Variants in CLPTM1 observed in about 807,000 individuals in gnomAD.
CLPTM1 encodes the protein putative lipid scramblase CLPTM1.
A neutral mutation model predicts 77.3 loss-of-function variants in CLPTM1; 21 were observed. That is an observed-to-expected ratio of 0.27 (90% CI 0.19 to 0.39). The LOEUF is 0.39. Ranked by LOEUF, CLPTM1 falls within the 10% of genes least tolerant of loss-of-function variation. CLPTM1 has a pLI of 1.00. For missense variants in CLPTM1, 642 were observed against 921.2 expected, an observed-to-expected ratio of 0.70 and a Z score of 3.92; for synonymous variants, 373 against 381.0, an observed-to-expected ratio of 0.98 and a Z score of 0.24.
At position 44,990,813 on chromosome 19, in the gene CLPTM1, G is replaced by A; in HGVS notation, c.1324-37G>A. 6.5e-7 allele frequency: 1 copy of A among 1,541,332 alleles called. No individual in the cohort carries two copies. The highest frequency in any genetic ancestry group is 9.0e-7 in the Non-Finnish European group (1 of 1,116,886). ...GTTCTGGCTTGTGGGGTGGGAGCCA[G>A]CGTAGCAACTGACCATGGCACCCAC... is the stretch of plus-strand genomic sequence containing the variant. On this transcript the variant is annotated intron_variant, in intron 10 of 13. Coordinates refer to ENST00000337392, the MANE Select transcript of CLPTM1 (RefSeq NM_001294.4). The surrounding 1 kb of genome is among the most constrained non-coding windows in gnomAD (Gnocchi z 4.8).
intron 2 of CLPTM1, among the ~76,000 whole-genome samples, chr19:44,968,156 C>G (rs1970663678): frequency 6.6e-6 from 1 of 152,142 alleles, no homozygotes; most frequent in Non-Finnish European, 1.5e-5. Flanking sequence ...GGCTAATTTC[C>G]TTTCTTAGAA....
chr19:44,966,389 T>C (rs1044155721), intron 2 of CLPTM1, among the ~76,000 whole-genome samples: 1 of 149,518 alleles, frequency 6.7e-6, no homozygotes, highest in Non-Finnish European at 1.5e-5. Flanking sequence ...CCAGCCTGGG[T>C]GACAGAGCGA....
intron 5 of CLPTM1, among the ~76,000 whole-genome samples, chr19:44,981,691 T>C (rs1293017111): frequency 1.3e-5 from 2 of 151,920 alleles, no homozygotes; most frequent in African/African-American, 2.4e-5. Context: ...GGCTAGAGGA[T>C]TGCTTGAGCC....
intron 1 of CLPTM1, among the ~76,000 whole-genome samples, chr19:44,959,280 G>A (rs904352625): frequency 6.6e-6 from 1 of 151,320 alleles, no homozygotes; most frequent in East Asian, 1.9e-4. Context: ...GGCTGGTCTC[G>A]AACTCCTGGG....
At chr19:44,983,617 CAAAAAAAAAAAA>C (rs35582067) in intron 5 of CLPTM1, among the ~76,000 whole-genome samples, 3 of 39,788 alleles carry the variant, frequency 7.5e-5, no homozygotes, top group Non-Finnish European at 1.2e-4. Context: ...GACTCTGTCT[CAAAAAAAAAAAA>C]AAAAAAAAAA....
intron 9 of CLPTM1, among the ~76,000 whole-genome samples, chr19:44,988,495 C>A (rs1005036161): frequency 2.0e-5 from 3 of 152,148 alleles, no homozygotes; most frequent in African/African-American, 7.2e-5. Context: ...CCACCCTGCC[C>A]GGCAGGCTGC....
At chr19:44,979,260 T>C (rs1970856155) in intron 5 of CLPTM1, among the ~76,000 whole-genome samples, 1 of 152,166 alleles carries the variant, frequency 6.6e-6, no homozygotes, top group Non-Finnish European at 1.5e-5. Context: ...ATTACAGGTG[T>C]GAGCTGCCAC....
chr19:44,965,172 T>C (rs1176579148), intron 2 of CLPTM1, among the ~76,000 whole-genome samples: 1 of 152,116 alleles, frequency 6.6e-6, no homozygotes, highest in Non-Finnish European at 1.5e-5. Flanking sequence ...TCCCTACTTA[T>C]GAGATAGAAG....
At chr19:44,965,897 G>T (rs1285078884) in intron 2 of CLPTM1, among the ~76,000 whole-genome samples, 1 of 152,260 alleles carries the variant, frequency 6.6e-6, no homozygotes, top group Non-Finnish European at 1.5e-5. Context: ...TGCACGGGAG[G>T]CTGGGAAATG....
chr19:44,980,538 G>T (rs1970879412), intron 5 of CLPTM1, among the ~76,000 whole-genome samples: 1 of 146,968 alleles, frequency 6.8e-6, no homozygotes, highest in African/African-American at 2.5e-5. Flanking sequence ...GAAAAGAAAA[G>T]CCCCTTTTAT....
chr19:44,978,600 T>C (rs1970843039), intron 5 of CLPTM1, among the ~76,000 whole-genome samples: 1 of 151,866 alleles, frequency 6.6e-6, no homozygotes, highest in African/African-American at 2.4e-5. Context: ...ACTACAGCTT[T>C]CCAGCCTGGG....
intron 3 of CLPTM1, 92 bp downstream of exon 3, chr19:44,973,302 G>A: frequency 3.8e-6 from 6 of 1,558,550 alleles, no homozygotes; most frequent in Non-Finnish European, 5.2e-6. Context: ...GGACAGACCA[G>A]GTCCTTGCTC....
At chr19:44,984,935 C>T (rs796982435) in intron 5 of CLPTM1, among the ~76,000 whole-genome samples, 1 of 152,124 alleles carries the variant, frequency 6.6e-6, no homozygotes, top group Non-Finnish European at 1.5e-5. Context: ...GGGATCTGCC[C>T]GCCCCAGCCT....
intron 4 of CLPTM1, 62 bp from the exon 5 acceptor site, chr19:44,977,281 G>C: frequency 8.3e-7 from 1 of 1,211,700 alleles, no homozygotes; most frequent in Non-Finnish European, 1.2e-6. Flanking sequence ...GCCAGGCAGG[G>C]CTTTAACGTT....
At chr19:44,986,803 A>G in intron 7 of CLPTM1, 1 of 566,388 alleles carries the variant, frequency 1.8e-6, no homozygotes, top group Non-Finnish European at 3.1e-6. Flanking sequence ...TCCGCAATCA[A>G]GTGCCATCCA....
Position 44,973,093 on chromosome 19 carries a change from C to G in CLPTM1, c.192C>G (p.Phe64Leu), listed in dbSNP as rs755981416. The change falls in exon 3 of 14, where the codon TTC becomes TTG. Residue 64 changes from phenylalanine (F) to leucine (L), a missense_variant. By Grantham distance (22) the Phe-to-Leu change is conservative. Coordinates refer to ENST00000337392, the MANE Select transcript of CLPTM1 (RefSeq NM_001294.4). ...TTGCTGCTTCTCTCCTCAGGATCTT[C>G]ATCATCTGGGCCATCAGCAGTTGGT... ...QVIKGVLFRI[F>L]IIWAISSWFR... 23 of 1,613,676 alleles carry G rather than the reference C, an allele frequency of 1.4e-5. No homozygotes were observed. In the East Asian group the frequency reaches 5.1e-4, roughly 36 times the overall value.
chr19:44,961,994 C>A lies in CLPTM1; in HGVS notation c.104C>A (p.Pro35Gln). The A allele has an allele frequency of 6.2e-7, 1 of 1,609,762 alleles. No individual in the cohort carries two copies. The highest frequency in any genetic ancestry group is 8.5e-7 in the Non-Finnish European group (1 of 1,178,686). Residue 35 changes from proline to glutamine, a missense_variant, in exon 2 of 14, where the codon CCG (proline) becomes CAG (glutamine). Pro to Gln is a moderately conservative substitution (Grantham distance 76). This residue lies in a region of CLPTM1 where 121 missense variants were observed against 120.8 expected (regional missense o/e 1.00). Transcript: ENST00000337392. ...VTSNGSIGRDPPAETQPQNPP... is the reference protein window; with the variant it reads ...VTSNGSIGRDQPAETQPQNPP... ...AGCAATGGCAGCATCGGGAGGGACCCGCCAGCGGAGACCCAGCCTCAGAAC... is the reference window on the plus strand; with the variant it reads ...AGCAATGGCAGCATCGGGAGGGACCAGCCAGCGGAGACCCAGCCTCAGAAC...
At chr19:44,954,692 C>G (rs530804763), upstream of CLPTM1, 76 of 1,168,598 alleles carry the variant, frequency 6.5e-5, 1 homozygote, top group South Asian at 1.5e-3. Context: ...GCCTAGCCCA[C>G]GGATGCGAGG....
At chr19:44,987,477 G>T in intron 8 of CLPTM1, 54 bp downstream of exon 8, 2 of 1,600,792 alleles carry the variant, frequency 1.2e-6, no homozygotes, top group South Asian at 1.1e-5. Flanking sequence ...GGCGCAAGAG[G>T]CCAAGAGGAA....
Sources: gnomAD v4.1 joint callset for allele counts (sites outside exome capture counted in the v4.1 genomes callset) on GRCh38, gnomAD v4.1.1 for gene constraint, gnomAD v4.1.1 regional missense constraint, Gnocchi (gnomAD v3.1) non-coding constraint, MANE v1.5 for transcripts, NCBI Gene and HGNC (gene_info 2026-07-23, HGNC 2026-07-21) for gene names.